RYR3: variants seen among roughly 807,000 people sequenced by gnomAD.
The protein encoded by RYR3 is ryanodine receptor 3, also known as brain ryanodine receptor-calcium release channel.
Under a neutral mutation model 584.3 loss-of-function variants are expected in RYR3, and 207 were observed. The ratio of observed to expected loss-of-function variants is 0.35; its 90% CI spans 0.32 to 0.40. The LOEUF (loss-of-function observed/expected upper bound fraction) is 0.40, where lower values mean the gene tolerates loss of function less well. RYR3 is among the 10% of genes least tolerant of loss of function. The pLI is 1.00. For synonymous variants in RYR3, 2,416 were observed against 2,248.5 expected (o/e 1.07, Z -2.11); for missense variants, 5,616 against 6,089.2 (o/e 0.92, Z 2.59).
intron 58 of RYR3, among the ~76,000 whole-genome samples, chr15:33,755,734 A>T (rs996351724): frequency 3.9e-5 from 6 of 152,174 alleles, no homozygotes; most frequent in Non-Finnish European, 5.9e-5. Flanking sequence ...TTGCTTTATG[A>T]CTGTGGACAT....
chr15:33,856,976 C>T (rs2079743487), intron 98 of RYR3, among the ~76,000 whole-genome samples: 1 of 152,056 alleles, frequency 6.6e-6, no homozygotes, highest in South Asian at 2.1e-4. Context: ...TTTTAAGCAG[C>T]AGCATTAGAG....
intron 94 of RYR3, chr15:33,850,734 T>A (rs2079044986): frequency 6.6e-6 from 1 of 152,140 alleles, no homozygotes; most frequent in Non-Finnish European, 1.5e-5. Context: ...AGTATAATTA[T>A]AAACCAAAAA....
At chr15:33,863,122 T>G (rs1054034960) in intron 102 of RYR3, among the ~76,000 whole-genome samples, 37 of 152,170 alleles carry the variant, frequency 2.4e-4, no homozygotes, top group African/African-American at 8.7e-4. Context: ...ACTGTTACAC[T>G]GGTCTCTTTC....
At chr15:33,573,060 G>A (rs1179233712) in intron 12 of RYR3, among the ~76,000 whole-genome samples, 2 of 152,120 alleles carry the variant, frequency 1.3e-5, no homozygotes, top group Admixed American at 1.3e-4. Context: ...TCCAGAGATT[G>A]TTATTTTGAA....
chr15:33,756,633 G>A (rs536980116), intron 59 of RYR3, among the ~76,000 whole-genome samples: 1 of 152,130 alleles, frequency 6.6e-6, no homozygotes, highest in Non-Finnish European at 1.5e-5. Flanking sequence ...TGTGGCCTGT[G>A]TGCGTGGTTC....
At chr15:33,548,089 G>T in intron 8 of RYR3, 41 bp from the exon 9 acceptor site, 1 of 1,459,580 alleles carries the variant, frequency 6.9e-7, no homozygotes, top group Non-Finnish European at 9.6e-7. Context: ...GTGCTGATCA[G>T]TGTCATGCAA....
Position 33,821,680 on chromosome 15 carries a change from G to A in RYR3, c.10995+78G>A, listed in dbSNP as rs1163414144. ...ACCTGTCATGCTTCAGGGAAGAGGA[G>A]TTGACTGCTACAGAGGGGAGCCACC... On this transcript the variant is annotated intron_variant, in intron 80 of 103. Coordinates refer to ENST00000634891, the MANE Select transcript of RYR3 (RefSeq NM_001036.6). 8 of 1,414,906 alleles carry A rather than the reference G, an allele frequency of 5.7e-6. No individual in the cohort carries two copies. In the African/African-American group the frequency reaches 7.0e-5, roughly 12 times the overall value. 87.6% of individuals were successfully genotyped at this position (1,414,906 alleles called of 1,614,324 possible). A position where few individuals can be genotyped will look rare whatever the true frequency, so the allele number is the denominator to read the frequency against.
At chr15:33,862,238 G>A (rs544841031) in intron 102 of RYR3, among the ~76,000 whole-genome samples, 4 of 152,246 alleles carry the variant, frequency 2.6e-5, no homozygotes, top group African/African-American at 9.6e-5. Context: ...GATAGATAGG[G>A]TCTCAACCCC....
chr15:33,324,365 T>C (rs573790966), intron 1 of RYR3, among the ~76,000 whole-genome samples: 1 of 152,324 alleles, frequency 6.6e-6, no homozygotes, highest in African/African-American at 2.4e-5. Context: ...AAGTGGCATC[T>C]TAAGGATAAG....
At chr15:33,833,901 G>A (rs1439629079) in intron 86 of RYR3, among the ~76,000 whole-genome samples, 1 of 152,100 alleles carries the variant, frequency 6.6e-6, no homozygotes, top group African/African-American at 2.4e-5. Flanking sequence ...TTCTTATTGA[G>A]TAATTTGGAG....
chr15:33,414,994 T>A (rs2043694761), intron 1 of RYR3, among the ~76,000 whole-genome samples: 1 of 152,202 alleles, frequency 6.6e-6, no homozygotes, highest in African/African-American at 2.4e-5. Flanking sequence ...GTCAATGCAT[T>A]TGGATTAATA....
At chr15:33,417,484 G>C (rs1274340740) in intron 1 of RYR3, among the ~76,000 whole-genome samples, 1 of 152,014 alleles carries the variant, frequency 6.6e-6, no homozygotes, top group East Asian at 1.9e-4. Context: ...TTGGTTTTCA[G>C]CTTGACCGTT....
chr15:33,558,732 A>C (rs893042376), intron 10 of RYR3, among the ~76,000 whole-genome samples: 4 of 152,184 alleles, frequency 2.6e-5, no homozygotes, highest in African/African-American at 9.7e-5. Flanking sequence ...CAACAACAAG[A>C]CATGTTTTTA....
intron 1 of RYR3, among the ~76,000 whole-genome samples, chr15:33,444,243 G>A (rs1419808270): frequency 6.6e-6 from 1 of 152,162 alleles, no homozygotes; most frequent in Non-Finnish European, 1.5e-5. Context: ...TGCTCTGGGA[G>A]CAAAAAGCTT....
Position 33,836,912 on chromosome 15 carries a change from A to G in RYR3, c.11575A>G (p.Ser3859Gly), listed in dbSNP as rs1291203158. The change falls in exon 88 of 104, where the codon AGT becomes GGT. Residue 3859 changes from serine to glycine, a missense_variant. Ser to Gly is a moderately conservative substitution (Grantham distance 56). Coordinates refer to ENST00000634891, the MANE Select transcript of RYR3 (RefSeq NM_001036.6). ...TCTCCTGTTTCTGTTCTAGGATTCC[A>G]GTCAGATCGAGCTGCTGAAGGAACT... is the stretch of plus-strand genomic sequence containing the variant. Reference protein sequence around the residue: ...NMQMKLSQDSSQIELLKELLD... With the variant: ...NMQMKLSQDSGQIELLKELLD... 1 of 1,613,052 alleles carries G rather than the reference A, an allele frequency of 6.2e-7. No individual in the cohort carries two copies. The highest frequency in any genetic ancestry group is 8.5e-7 in the Non-Finnish European group (1 of 1,179,536).
chr15:33,626,340 C>A (rs1391905597), intron 20 of RYR3, among the ~76,000 whole-genome samples: 2 of 152,162 alleles, frequency 1.3e-5, no homozygotes, highest in Non-Finnish European at 2.9e-5. Flanking sequence ...TGCAAAGAGA[C>A]TGGCGGCATT....
At chr15:33,608,059 C>T (rs1267208166) in intron 18 of RYR3, among the ~76,000 whole-genome samples, 1 of 152,232 alleles carries the variant, frequency 6.6e-6, no homozygotes, top group Non-Finnish European at 1.5e-5. Flanking sequence ...CTACGATAAA[C>T]TGCCTCTTAA....
chr15:33,509,306 T>C (rs1309192867), intron 3 of RYR3, among the ~76,000 whole-genome samples: 1 of 152,214 alleles, frequency 6.6e-6, no homozygotes, highest in Non-Finnish European at 1.5e-5. Context: ...AATAGGATCC[T>C]TACTTCTTTC....
chr15:33,499,723 T>C (rs2051784921), intron 2 of RYR3, among the ~76,000 whole-genome samples: 1 of 152,198 alleles, frequency 6.6e-6, no homozygotes, highest in Non-Finnish European at 1.5e-5. Context: ...AAGGCATGTG[T>C]AACAGAAACT....
Sources: allele counts gnomAD v4.1 joint callset (sites outside exome capture counted in the v4.1 genomes callset), GRCh38; gene constraint gnomAD v4.1.1; transcripts MANE v1.5; gene names NCBI Gene and HGNC (gene_info 2026-07-23, HGNC 2026-07-21).